ARHGEF10: variants seen among roughly 807,000 people sequenced by gnomAD.
The protein encoded by ARHGEF10 is Rho guanine nucleotide exchange factor (GEF) 10.
ARHGEF10 carries 140 observed loss-of-function variants against 147.4 expected under a neutral mutation model. That is an observed-to-expected ratio of 0.95 (90% CI 0.83 to 1.09). The LOEUF (loss-of-function observed/expected upper bound fraction) is 1.09. Among genes scored for constraint, ARHGEF10 ranks in the 50% least tolerant of loss-of-function variants. ARHGEF10 has a pLI of 0.00. For missense variants in ARHGEF10, 2,222 were observed against 1,752.7 expected, an observed-to-expected ratio of 1.27 and a Z score of -4.78; for synonymous variants, 902 against 695.8, an observed-to-expected ratio of 1.30 and a Z score of -4.67.
intron 28 of ARHGEF10, among the ~76,000 whole-genome samples, chr8:1,953,080 C>T (rs1815185604): frequency 6.6e-6 from 1 of 152,230 alleles, no homozygotes; most frequent in South Asian, 2.1e-4. Flanking sequence ...AATTAGTTTC[C>T]ATCATTCCTT....
intron 6 of ARHGEF10, among the ~76,000 whole-genome samples, chr8:1,867,369 T>A (rs558589226): frequency 5.9e-5 from 9 of 152,204 alleles, no homozygotes; most frequent in Non-Finnish European, 1.2e-4. Flanking sequence ...TGATTCGTGT[T>A]TAGATTTCAA....
chr8:1,866,715 ATGTT>A, intron 6 of ARHGEF10, 113 bp downstream of exon 6: 1 of 1,031,628 alleles, frequency 9.7e-7, no homozygotes. Flanking sequence ...CTCTAAAAAG[ATGTT>A]TATTTACTGA....
chr8:1,898,352 G>A, intron 14 of ARHGEF10, 81 bp from the exon 15 acceptor site: 1 of 1,221,800 alleles, frequency 8.2e-7, no homozygotes, highest in Non-Finnish European at 1.2e-6. Context: ...AGTGTTCAGT[G>A]TGGTGGGGAG....
rs555304366 is a variant in ARHGEF10, at chr8:1,904,294, C to G, written c.1821+843C>G. 3.0e-4 allele frequency: 45 copies of G among 152,288 alleles called. 1 individual carries two copies. Among genetic ancestry groups the G allele is most frequent in the African/African-American group, 1.1e-3 (44 of 41,552 alleles). The allele number at this position is 152,288 out of a possible 1,614,324, so 9.4% of individuals were successfully genotyped here. ...GGCTTTCCCGTATTCACTGAAGGCC[C>G]TGGCTCACAGGGAGATGGTAATTTG... On this transcript the variant is annotated intron_variant, in intron 16 of 28. Coordinates refer to ENST00000349830, the MANE Select transcript of ARHGEF10 (RefSeq NM_014629.4).
intron 11 of ARHGEF10, among the ~76,000 whole-genome samples, chr8:1,890,732 C>T (rs1181507868): frequency 1.5e-5 from 2 of 137,884 alleles, no homozygotes; most frequent in African/African-American, 2.9e-5. Context: ...GGGTAAGAGT[C>T]GAGGTTCTGT....
At chr8:1,926,871 A>G (rs1396155615) in intron 23 of ARHGEF10, 2 of 308,602 alleles carry the variant, frequency 6.5e-6, no homozygotes, top group Non-Finnish European at 1.2e-5. Flanking sequence ...TGCATCTGAA[A>G]TTAGGCTGGA....
At chr8:1,947,479 G>A (rs1814686866) in intron 27 of ARHGEF10, among the ~76,000 whole-genome samples, 4 of 152,192 alleles carry the variant, frequency 2.6e-5, no homozygotes, top group Admixed American at 2.6e-4. Context: ...GCAAGTGTGA[G>A]TGGAGTTTGT....
intron 23 of ARHGEF10, chr8:1,926,812 T>C: frequency 2.9e-6 from 1 of 343,384 alleles, no homozygotes. Context: ...GACTGGCTTT[T>C]TCCAGTGGAA....
At chr8:1,926,640 T>C in intron 23 of ARHGEF10, 177 bp downstream of exon 23, 3 of 692,764 alleles carry the variant, frequency 4.3e-6, no homozygotes, top group Non-Finnish European at 7.8e-6. Flanking sequence ...TTGGAAAAGA[T>C]TTACAGTTCT....
chr8:1,932,441 T>TGC (rs1813227222), intron 25 of ARHGEF10, among the ~76,000 whole-genome samples: 1 of 152,186 alleles, frequency 6.6e-6, no homozygotes. Context: ...TGGGTGTGTG[T>TGC]GCACATGTGC....
In ARHGEF10 at chr8:1,957,409, T is replaced by C. The variant is rs1297004522; in HGVS notation, c.*146T>C. ...GGGGGAGAAACGTGCAATAGCGTAA[T>C]GGTGGTGTCCCTGCCAATTCCTTCC... is the stretch of plus-strand genomic sequence containing the variant. On this transcript the variant is annotated 3_prime_UTR_variant, in exon 29 of 29. Transcript: ENST00000349830. 2 of 1,164,098 alleles carry C rather than the reference T, an allele frequency of 1.7e-6. No individual in the cohort carries two copies. Among genetic ancestry groups the C allele is most frequent in the African/African-American group, 1.5e-5 (1 of 65,588 alleles). The allele number at this position is 1,164,098 out of a possible 1,614,324, so 72.1% of individuals were successfully genotyped here. A position where few individuals can be genotyped will look rare whatever the true frequency, so the allele number is the denominator to read the frequency against.
intron 16 of ARHGEF10, among the ~76,000 whole-genome samples, chr8:1,904,804 C>G (rs1810750981): frequency 6.6e-6 from 1 of 150,448 alleles, no homozygotes; most frequent in African/African-American, 2.4e-5. Flanking sequence ...GCTGAGGACT[C>G]TGTTTTTCTT....
intron 27 of ARHGEF10, among the ~76,000 whole-genome samples, chr8:1,951,016 C>T (rs932297502): frequency 9.9e-5 from 15 of 152,214 alleles, no homozygotes; most frequent in Non-Finnish European, 1.9e-4. Context: ...ATCTCACATC[C>T]CTGCTCCCAC....
upstream of ARHGEF10, among the ~76,000 whole-genome samples, chr8:1,823,448 C>T (rs1195501597): frequency 7.7e-6 from 1 of 129,504 alleles, no homozygotes; most frequent in Non-Finnish European, 1.7e-5. Flanking sequence ...GGGCGATGTT[C>T]TGGGGGGGGG....
At position 1,908,866 on chromosome 8, in the gene ARHGEF10, A is replaced by G. The variant is rs1212590887; in HGVS notation, c.1968-429A>G. 3.3e-5 allele frequency among the ~76,000 whole-genome samples: 5 copies of G among 152,226 alleles called. No individual in the cohort carries two copies. In the South Asian group the frequency reaches 6.2e-4, roughly 19 times the overall value. On this transcript the variant is annotated intron_variant, in intron 17 of 28. Coordinates refer to ENST00000349830, the MANE Select transcript of ARHGEF10 (RefSeq NM_014629.4). ...GAGTGTAATGGTATGATTTGATTCT[A>G]TTAAAGTGGTTACAGTGTAGCCATA...
chr8:1,952,726 C>G lies in ARHGEF10; in HGVS notation c.3419C>G (p.Thr1140Arg). The G allele has an allele frequency of 1.2e-6, 2 of 1,613,042 alleles. No individual in the cohort carries two copies. The highest frequency in any genetic ancestry group is 1.7e-6 in the Non-Finnish European group (2 of 1,179,936). ...MLPGHQRLSV[T>R]SLLVCHGLLM... ...CCAGGGCACCAGCGGCTGTCGGTGACGAGCCTGCTCGTCTGCCACGGATTG... is the reference window on the plus strand; with the variant it reads ...CCAGGGCACCAGCGGCTGTCGGTGAGGAGCCTGCTCGTCTGCCACGGATTG... The change falls in exon 28 of 29, where the codon ACG becomes AGG. Residue 1140 changes from threonine to arginine, a missense_variant. Coordinates refer to ENST00000349830, the MANE Select transcript of ARHGEF10 (RefSeq NM_014629.4).
At chr8:1,868,626 C>T (rs138082333) in intron 6 of ARHGEF10, among the ~76,000 whole-genome samples, 21 of 152,304 alleles carry the variant, frequency 1.4e-4, no homozygotes, top group African/African-American at 4.8e-4. Flanking sequence ...AAACACTGTC[C>T]TATATGTTTA....
intron 1 of ARHGEF10, among the ~76,000 whole-genome samples, chr8:1,832,587 CAG>C (rs1427866071): frequency 1.3e-5 from 1 of 79,810 alleles, no homozygotes. Context: ...GAGGCAGAGA[CAG>C]AGACAGAGAC....
At position 1,952,784 on chromosome 8, in the gene ARHGEF10, G is replaced by A. The variant is rs1303752689; in HGVS notation, c.3477G>A (p.Val1159=). Residue 1159 remains valine (V), a synonymous_variant, in exon 28 of 29, where the codon GTG becomes GTA. Transcript: ENST00000349830. ...TCGGCACCAGCCTGGGAGTCCTCGTGGCCCTGCCGGTCCCACGTCTGCAAG... is the reference window on the plus strand; with the variant it reads ...TCGGCACCAGCCTGGGAGTCCTCGTAGCCCTGCCGGTCCCACGTCTGCAAG... ...LMVGTSLGVL[V]ALPVPRLQGI... The A allele has an allele frequency of 1.2e-6, 2 of 1,613,682 alleles. No individual in the cohort carries two copies. Among genetic ancestry groups the A allele is most frequent in the Non-Finnish European group, 1.7e-6 (2 of 1,180,048 alleles).
Sources: allele counts gnomAD v4.1 joint callset (sites outside exome capture counted in the v4.1 genomes callset), GRCh38; gene constraint gnomAD v4.1.1; transcripts MANE v1.5; gene names NCBI Gene and HGNC (gene_info 2026-07-23, HGNC 2026-07-21).